Variants in HAUS6 observed in about 807,000 individuals in gnomAD.
HAUS6 encodes HAUS augmin like complex subunit 6.
In HAUS6, 80 loss-of-function variants were observed where a neutral mutation model predicts 106.8. The observed-to-expected ratio is 0.75, with a 90% CI of 0.63 to 0.90. HAUS6 has a LOEUF of 0.90. Ranked by LOEUF, HAUS6 falls within the 40% of genes least tolerant of loss-of-function variation. The pLI, the probability that HAUS6 is intolerant of heterozygous loss-of-function variation, is 0.00. For missense variants in HAUS6, 1,155 were observed against 1,118.1 expected (o/e 1.03, Z -0.47); for synonymous variants, 356 against 379.1 (o/e 0.94, Z 0.71).
intron 1 of HAUS6, among the ~76,000 whole-genome samples, chr9:19,099,149 T>C (rs1188823874): frequency 2.7e-5 from 4 of 149,074 alleles, no homozygotes; most frequent in East Asian, 2.0e-4. Context: ...AATAATGGGG[T>C]TTTTTTTGTT....
At chr9:19,082,302 G>C (rs1257697416) in intron 8 of HAUS6, among the ~76,000 whole-genome samples, 1 of 152,160 alleles carries the variant, frequency 6.6e-6, no homozygotes, top group Admixed American at 6.5e-5. Flanking sequence ...TAATGAACTA[G>C]TACAGTATCA....
intron 11 of HAUS6, among the ~76,000 whole-genome samples, chr9:19,073,670 CAAAAATA>C (rs1203745837): frequency 6.7e-6 from 1 of 150,122 alleles, no homozygotes; most frequent in African/African-American, 2.4e-5. Flanking sequence ...AGAAATAATT[CAAAAATA>C]AAAAATAAAA....
At chr9:19,095,099 A>G (rs957431284) in intron 2 of HAUS6, among the ~76,000 whole-genome samples, 6 of 151,900 alleles carry the variant, frequency 3.9e-5, no homozygotes, top group African/African-American at 1.4e-4. Flanking sequence ...ATATATATGA[A>G]GAAGAGAAAA....
At chr9:19,086,273 T>C (rs1837293529) in intron 7 of HAUS6, among the ~76,000 whole-genome samples, 1 of 147,022 alleles carries the variant, frequency 6.8e-6, no homozygotes, top group Admixed American at 7.0e-5. Flanking sequence ...ACCACGCCAC[T>C]GCACTCCAGC....
intron 4 of HAUS6, among the ~76,000 whole-genome samples, chr9:19,090,499 G>C (rs1400638106): frequency 6.6e-6 from 1 of 152,044 alleles, no homozygotes; most frequent in South Asian, 2.1e-4. Context: ...CAAGTAGCTG[G>C]GACTACAGGT....
Position 19,102,690 on chromosome 9 carries a change from C to T in HAUS6, c.-39G>A, listed in dbSNP as rs1818018328. 6.2e-7 allele frequency: 1 copy of T among 1,600,112 alleles called. No individual in the cohort carries two copies. Among genetic ancestry groups the T allele is most frequent in the African/African-American group, 1.3e-5 (1 of 74,526 alleles). On this transcript the variant is annotated 5_prime_UTR_variant, in exon 1 of 17. Transcript: ENST00000380502. ...ACGGTGGCTGCAAAGAAAGAAAGCG[C>T]AAGCCCAGGGGACTCGGAGGGCCCT...
Position 19,076,626 on chromosome 9 carries a change from A to C in HAUS6, c.1270T>G (p.Cys424Gly), listed in dbSNP as rs749527654. ...CCTGGAAGTGAAGCAGGATACTGAC[A>C]AAGAATACTCTTTGCATACACTTCT... ...SEEVYAKSIL[C>G]QYPASLPDAH... The change falls in exon 11 of 17, where the codon TGT (cysteine) becomes GGT (glycine). Residue 424 changes from cysteine to glycine, a missense_variant. Transcript: ENST00000380502. 4 of 1,576,264 alleles carry C rather than the reference A, an allele frequency of 2.5e-6. No individual in the cohort carries two copies. The highest frequency in any genetic ancestry group is 2.6e-6 in the Non-Finnish European group (3 of 1,148,298).
intron 1 of HAUS6, 99 bp downstream of exon 1, chr9:19,102,425 C>G: frequency 7.5e-7 from 1 of 1,329,964 alleles, no homozygotes; most frequent in South Asian, 1.3e-5. Flanking sequence ...AACTGCTCAA[C>G]CAATTCTGAT....
In HAUS6 at chr9:19,082,924, A is replaced by G. The variant is rs1456475647; in HGVS notation, c.819T>C (p.Ala273=). Residue 273 remains alanine, a synonymous_variant, in exon 8 of 17, where the codon GCT becomes GCC. Transcript: ENST00000380502. ...CAAGTAAGAGCCTTGGAATATTAAT[A>G]GCAACATTAGTTCCATCTAAAGCAT... The part of the protein sequence containing the change: ...NQYALDGTNV[A]INIPRLLLDK... 2.6e-6 allele frequency: 4 copies of G among 1,533,314 alleles called. No homozygotes were observed. The highest frequency in any genetic ancestry group is 4.1e-5 in the Admixed American group (2 of 48,506). The allele number at this position is 1,533,314 out of a possible 1,614,324, so 95.0% of individuals were successfully genotyped here.
In HAUS6 at chr9:19,058,193, T is replaced by A. The variant is rs1278145475; in HGVS notation, c.2574A>T (p.Thr858=). 5.0e-6 allele frequency: 8 copies of A among 1,613,806 alleles called. No individual in the cohort carries two copies. Among genetic ancestry groups the A allele is most frequent in the South Asian group, 1.1e-5 (1 of 91,074 alleles). ...TCAATTCTGGTTTGTGTCTTTCGGG[T>A]GTTTGGGAATTCGAGAGGTAAGATT... ...REESYLSNSQ[T]PERHKPELSP... The change falls in exon 16 of 17, where the codon ACA becomes ACT. Residue 858 remains threonine, a synonymous_variant. Coordinates refer to ENST00000380502, the MANE Select transcript of HAUS6 (RefSeq NM_017645.5).
At chr9:19,070,116 C>A (rs1836855333) in intron 12 of HAUS6, 103 bp downstream of exon 12, 1 of 691,834 alleles carries the variant, frequency 1.4e-6, no homozygotes, top group Non-Finnish European at 2.5e-6. Context: ...AACTCCCCAA[C>A]AGACCCAGAA....
intron 7 of HAUS6, among the ~76,000 whole-genome samples, 179 bp from the exon 8 acceptor site, chr9:19,083,222 T>TA (rs1362350121): frequency 6.6e-6 from 1 of 152,082 alleles, no homozygotes; most frequent in Non-Finnish European, 1.5e-5. Context: ...AGGGAATTTT[T>TA]AAAAAAATGT....
intron 1 of HAUS6, among the ~76,000 whole-genome samples, chr9:19,100,222 C>A (rs932681529): frequency 6.6e-6 from 1 of 151,960 alleles, no homozygotes; most frequent in African/African-American, 2.4e-5. Flanking sequence ...ACTAGCCAGG[C>A]GTGGCAGCAG....
rs1188798156 is a variant in HAUS6 at position 19,053,263 on chromosome 9, G to A, written c.*3080C>T. On this transcript the variant is annotated 3_prime_UTR_variant, in exon 17 of 17. Coordinates refer to ENST00000380502, the MANE Select transcript of HAUS6 (RefSeq NM_017645.5). ...GCTATTCACAATGCATAAAGAAAAAGGTGATCTCTAGAGCAACTATGTATC... is the reference window on the plus strand; with the variant it reads ...GCTATTCACAATGCATAAAGAAAAAAGTGATCTCTAGAGCAACTATGTATC... 1 of 152,144 alleles carries A rather than the reference G, an allele frequency of 6.6e-6. No homozygotes were observed. Among genetic ancestry groups the A allele is most frequent in the South Asian group, 2.1e-4 (1 of 4,810 alleles). 9.4% of individuals were successfully genotyped at this position (152,144 alleles called of 1,614,324 possible). A position where few individuals can be genotyped will look rare whatever the true frequency, so the allele number is the denominator to read the frequency against.
At chr9:19,099,316 G>A (rs1387638362) in intron 1 of HAUS6, among the ~76,000 whole-genome samples, 4 of 151,764 alleles carry the variant, frequency 2.6e-5, no homozygotes, top group African/African-American at 7.3e-5. Context: ...ACAGGCGCCC[G>A]CCAACACGCC....
intron 4 of HAUS6, among the ~76,000 whole-genome samples, chr9:19,090,653 T>G (rs368564237): frequency 1.2e-4 from 18 of 152,054 alleles, no homozygotes; most frequent in South Asian, 2.1e-4. Flanking sequence ...GTGAGCCACC[T>G]CGCCCAGCCA....
chr9:19,088,985 G>C (rs941982709), intron 5 of HAUS6, among the ~76,000 whole-genome samples: 1 of 152,160 alleles, frequency 6.6e-6, no homozygotes, highest in Non-Finnish European at 1.5e-5. Context: ...GCTCATGTCT[G>C]TAATCTCAGC....
chr9:19,068,032 C>T (rs935813755), intron 12 of HAUS6, among the ~76,000 whole-genome samples: 8 of 151,632 alleles, frequency 5.3e-5, no homozygotes, highest in Non-Finnish European at 1.0e-4. Context: ...TAATGGGGTT[C>T]ATGAATAAAA....
intron 12 of HAUS6, among the ~76,000 whole-genome samples, chr9:19,067,008 A>C (rs1836772507): frequency 6.6e-6 from 1 of 151,734 alleles, no homozygotes; most frequent in African/African-American, 2.4e-5. Flanking sequence ...CCCTTCTCAA[A>C]AAAAAAAAAA....
Sources: allele counts gnomAD v4.1 joint callset (sites outside exome capture counted in the v4.1 genomes callset), GRCh38; gene constraint gnomAD v4.1.1; transcripts MANE v1.5; gene names NCBI Gene and HGNC (gene_info 2026-07-23, HGNC 2026-07-21).